Variants in MOB1B observed in about 807,000 individuals in gnomAD.
The protein encoded by MOB1B is MOB1 Mps One Binder homolog B.
In MOB1B, 19 loss-of-function variants were observed where a neutral mutation model predicts 24.4. That is an observed-to-expected ratio of 0.78 (90% CI 0.54 to 1.14). The LOEUF (loss-of-function observed/expected upper bound fraction) is 1.14. Among genes scored for constraint, MOB1B ranks in the 50% most tolerant of loss-of-function variants. The pLI is 0.00. For missense variants in MOB1B, 243 were observed against 259.6 expected, an observed-to-expected ratio of 0.94 and a Z score of 0.44; for synonymous variants, 76 against 82.1, an observed-to-expected ratio of 0.93 and a Z score of 0.40.
At chr4:70,977,061 C>T (rs1739036417) in intron 4 of MOB1B, among the ~76,000 whole-genome samples, 1 of 151,758 alleles carries the variant, frequency 6.6e-6, no homozygotes, top group South Asian at 2.1e-4. Context: ...TATATGATGC[C>T]TTTAAAAACT....
In MOB1B at chr4:70,979,199, C is replaced by T; in HGVS notation, c.481C>T (p.His161Tyr). The change falls in exon 5 of 6, where the codon CAC becomes TAC. Residue 161 changes from histidine to tyrosine, a missense_variant. By Grantham distance (83) the His-to-Tyr change is moderately conservative. Transcript: ENST00000309395. ...CAAACGCCTCTTTAGGGTTTATGCT[C>T]ACATTTATCATCAGCATTTTGACCC... ...ILKRLFRVYA[H>Y]IYHQHFDPVI... is the part of the protein sequence containing the mutation. The T allele has an allele frequency of 6.8e-6, 11 of 1,613,656 alleles. No homozygotes were observed. The highest frequency in any genetic ancestry group is 9.3e-6 in the Non-Finnish European group (11 of 1,179,662).
intron 1 of MOB1B, among the ~76,000 whole-genome samples, chr4:70,946,956 G>A (rs1360882947): frequency 6.6e-6 from 1 of 152,128 alleles, no homozygotes; most frequent in Non-Finnish European, 1.5e-5. Context: ...ACATTATATT[G>A]AGCGTTTGCT....
chr4:70,952,935 C>CTTTT (rs71211985), intron 1 of MOB1B, among the ~76,000 whole-genome samples: 40 of 72,304 alleles, frequency 5.5e-4, no homozygotes, highest in African/African-American at 6.1e-4. Context: ...GTCATTTGGT[C>CTTTT]TTTTTTTTTT....
chr4:70,902,311 C>T (rs1468576726), upstream of MOB1B: 6 of 600,380 alleles, frequency 1.0e-5, no homozygotes, highest in Admixed American at 2.6e-5. Flanking sequence ...CCCTTTCCTT[C>T]CCCTCCCCTG....
intron 3 of MOB1B, among the ~76,000 whole-genome samples, chr4:70,974,112 G>A (rs1157761300): frequency 6.6e-6 from 1 of 151,950 alleles, no homozygotes; most frequent in Non-Finnish European, 1.5e-5. Context: ...TCACCTGTAT[G>A]CATCTTCCTT....
chr4:70,933,878 A>G (rs1736978849), intron 1 of MOB1B, among the ~76,000 whole-genome samples: 1 of 150,406 alleles, frequency 6.6e-6, no homozygotes, highest in Non-Finnish European at 1.5e-5. Flanking sequence ...GTGGAGGAAA[A>G]GGTTTCACCC....
chr4:70,911,996 A>G (rs1289272117), intron 1 of MOB1B, among the ~76,000 whole-genome samples: 1 of 150,752 alleles, frequency 6.6e-6, no homozygotes, highest in Non-Finnish European at 1.5e-5. Flanking sequence ...TCCTGGGTTC[A>G]AGTGATTCTC....
chr4:70,938,555 C>A (rs1237639639), intron 1 of MOB1B, among the ~76,000 whole-genome samples: 1 of 151,968 alleles, frequency 6.6e-6, no homozygotes, highest in Admixed American at 6.6e-5. Context: ...CTTTAGCTTT[C>A]AGTTTTTCCT....
chr4:70,902,181 G>C (rs1050500277), upstream of MOB1B: 42 of 440,678 alleles, frequency 9.5e-5, no homozygotes, highest in Non-Finnish European at 1.2e-4. Context: ...GAGACCAGAA[G>C]GTGAGAGTCC....
At chr4:70,923,033 G>A (rs1282614373) in intron 1 of MOB1B, among the ~76,000 whole-genome samples, 1 of 152,136 alleles carries the variant, frequency 6.6e-6, no homozygotes, top group Non-Finnish European at 1.5e-5. Context: ...AACCTCCCCA[G>A]ACTCTGAAGA....
chr4:70,924,372 C>T (rs1271345406), intron 1 of MOB1B, among the ~76,000 whole-genome samples: 1 of 152,202 alleles, frequency 6.6e-6, no homozygotes, highest in Admixed American at 6.5e-5. Flanking sequence ...AGGTCTGCTG[C>T]AGTGACTTTG....
intron 1 of MOB1B, among the ~76,000 whole-genome samples, chr4:70,906,009 C>T (rs28499119): frequency 0.029 from 4,413 of 152,018 alleles, 207 homozygotes; most frequent in African/African-American, 0.099. Context: ...TTAAATACTT[C>T]AAGGCTGTGG....
intron 1 of MOB1B, among the ~76,000 whole-genome samples, chr4:70,908,514 C>T (rs1249611819): frequency 2.0e-5 from 3 of 151,442 alleles, no homozygotes; most frequent in Admixed American, 2.0e-4. Flanking sequence ...GTGGCTCATG[C>T]CTGTAATCCC....
chr4:70,945,157 A>G (rs534688125), intron 1 of MOB1B, among the ~76,000 whole-genome samples: 20 of 152,304 alleles, frequency 1.3e-4, no homozygotes, highest in Non-Finnish European at 1.3e-4. Context: ...CATAGATGTG[A>G]TTGCACACTA....
chr4:70,928,120 T>C (rs1736726545), intron 1 of MOB1B, among the ~76,000 whole-genome samples: 1 of 152,170 alleles, frequency 6.6e-6, no homozygotes. Context: ...GTGCCCTTTA[T>C]AGTCCTTATC....
At chr4:70,970,889 T>G (rs1317906063) in intron 3 of MOB1B, among the ~76,000 whole-genome samples, 1 of 152,240 alleles carries the variant, frequency 6.6e-6, no homozygotes, top group Non-Finnish European at 1.5e-5. Flanking sequence ...AAGACTGCAC[T>G]AGGAAAGACA....
intron 2 of MOB1B, among the ~76,000 whole-genome samples, chr4:70,961,223 C>G (rs1342950651): frequency 6.6e-6 from 1 of 152,118 alleles, no homozygotes; most frequent in East Asian, 1.9e-4. Context: ...TGAATATAGT[C>G]TCTCTCTTTC....
chr4:70,946,830 AAGG>A (rs1308269151), intron 1 of MOB1B, among the ~76,000 whole-genome samples: 1 of 152,104 alleles, frequency 6.6e-6, no homozygotes, highest in Non-Finnish European at 1.5e-5. Context: ...AAGGAAAAAA[AAGG>A]AGGGAGGGTA....
chr4:70,910,710 A>G (rs1312239343), intron 1 of MOB1B, among the ~76,000 whole-genome samples: 3 of 152,140 alleles, frequency 2.0e-5, no homozygotes, highest in Non-Finnish European at 4.4e-5. Context: ...ATGTTAGGAA[A>G]AGGAAGAAAA....
Sources: allele counts gnomAD v4.1 joint callset (sites outside exome capture counted in the v4.1 genomes callset), GRCh38; gene constraint gnomAD v4.1.1; transcripts MANE v1.5; gene names NCBI Gene and HGNC (gene_info 2026-07-23, HGNC 2026-07-21).